Variants in PRDM2 observed in about 807,000 individuals in gnomAD.
PRDM2 encodes the protein PR domain zinc finger protein 2.
Under a neutral mutation model 130.0 loss-of-function variants are expected in PRDM2, and 30 were observed. That is an observed-to-expected ratio of 0.23 (90% CI 0.17 to 0.31). The LOEUF (loss-of-function observed/expected upper bound fraction) is 0.31, where lower values mean the gene tolerates loss of function less well. Ranked by LOEUF, PRDM2 falls within the 10% of genes least tolerant of loss-of-function variation. The probability of loss-of-function intolerance (pLI) is 1.00; values close to 1 mark genes in which losing one functional copy is unlikely to be tolerated. For synonymous variants in PRDM2, 871 were observed against 782.4 expected (o/e 1.11, Z -1.89); for missense variants, 2,011 against 2,108.4 (o/e 0.95, Z 0.90).
intron 6 of PRDM2, chr1:13,770,339 T>TA (rs1204359128): frequency 2.0e-6 from 1 of 491,890 alleles, no homozygotes; most frequent in Non-Finnish European, 4.1e-6. Context: ...TTTAGACAGT[T>TA]ATGTGATTTC....
intron 1 of PRDM2, among the ~76,000 whole-genome samples, chr1:13,710,790 C>CA (rs1642344534): frequency 6.6e-6 from 1 of 152,048 alleles, no homozygotes; most frequent in South Asian, 2.1e-4. Context: ...TTTAGCACTT[C>CA]AAAAAAGAGC....
At chr1:13,776,441 A>G (rs1212614009) in intron 7 of PRDM2, among the ~76,000 whole-genome samples, 1 of 152,196 alleles carries the variant, frequency 6.6e-6, no homozygotes, top group African/African-American at 2.4e-5. Flanking sequence ...CATTCCTACT[A>G]GCACGAAACC....
At chr1:13,716,925 T>C (rs973006603) in intron 2 of PRDM2, among the ~76,000 whole-genome samples, 2 of 149,684 alleles carry the variant, frequency 1.3e-5, no homozygotes, top group African/African-American at 4.8e-5. Context: ...CCTCATCAAC[T>C]GAAACTTTAG....
intron 8 of PRDM2, among the ~76,000 whole-genome samples, chr1:13,808,578 T>C (rs550963991): frequency 3.0e-4 from 45 of 152,164 alleles, no homozygotes; most frequent in South Asian, 1.2e-3. Flanking sequence ...GAGGAGCATC[T>C]TGGGGAGCAT....
chr1:13,788,616 T>C (rs1644788775), intron 8 of PRDM2, among the ~76,000 whole-genome samples: 1 of 152,082 alleles, frequency 6.6e-6, no homozygotes, highest in Non-Finnish European at 1.5e-5. Context: ...GGCCAGATGT[T>C]CTGGCATACG....
intron 9 of PRDM2, among the ~76,000 whole-genome samples, chr1:13,818,040 G>A (rs1645285358): frequency 6.6e-6 from 1 of 152,196 alleles, no homozygotes; most frequent in African/African-American, 2.4e-5. Flanking sequence ...GTTGAATACG[G>A]GGTTAATGGG....
At chr1:13,797,382 C>CA (rs1054830608) in intron 8 of PRDM2, among the ~76,000 whole-genome samples, 3 of 152,156 alleles carry the variant, frequency 2.0e-5, no homozygotes, top group Non-Finnish European at 4.4e-5. Flanking sequence ...ACGTAGGAGC[C>CA]AACTGTTTGA....
intron 8 of PRDM2, among the ~76,000 whole-genome samples, chr1:13,814,626 G>A (rs544591415): frequency 2.0e-5 from 3 of 152,322 alleles, no homozygotes; most frequent in South Asian, 4.1e-4. Context: ...CCTTCCAGAT[G>A]CCGGTAGCAG....
intron 2 of PRDM2, among the ~76,000 whole-genome samples, chr1:13,728,890 G>T (rs1643011670): frequency 6.6e-6 from 1 of 152,076 alleles, no homozygotes; most frequent in Admixed American, 6.5e-5. Flanking sequence ...TTGTGGGAGT[G>T]ACCATTCCTG....
At chr1:13,744,286 C>G in intron 5 of PRDM2, among the ~76,000 whole-genome samples, 1 of 152,250 alleles carries the variant, frequency 6.6e-6, no homozygotes, top group East Asian at 1.9e-4. Context: ...TAGGTGTGAC[C>G]TTATTAGCTT....
chr1:13,773,899 G>T (rs775364298), intron 7 of PRDM2, among the ~76,000 whole-genome samples: 3 of 152,024 alleles, frequency 2.0e-5, no homozygotes, highest in Non-Finnish European at 4.4e-5. Flanking sequence ...ATTTTATCTT[G>T]CTATATACTC....
Position 13,731,028 on chromosome 1 carries a change from A to G in PRDM2, c.38A>G (p.Glu13Gly). The change falls in exon 3 of 10, where the codon GAG (glutamate) becomes GGG (glycine). Residue 13 changes from glutamate (E) to glycine (G), a missense_variant. By Grantham distance (98) the Glu-to-Gly change is moderately conservative (BLOSUM62 -2). This residue lies in a region of PRDM2 where 79 missense variants were observed against 93.6 expected (regional missense o/e 0.84). Coordinates refer to ENST00000311066, the MANE Select transcript of PRDM2 (RefSeq NM_001393986.1). ...QNTTEPVAATETLAEVPEHVL... is the reference protein window; with the variant it reads ...QNTTEPVAATGTLAEVPEHVL... ...ACTACTGAGCCTGTGGCGGCCACCG[A>G]GACCCTGGCTGAGGTACCCGAACAT... The G allele has an allele frequency of 6.2e-7, 1 of 1,611,170 alleles. No homozygotes were observed. Among genetic ancestry groups the G allele is most frequent in the Non-Finnish European group, 8.5e-7 (1 of 1,179,544 alleles).
intron 6 of PRDM2, among the ~76,000 whole-genome samples, chr1:13,755,697 T>C (rs2100562270): frequency 6.6e-6 from 1 of 152,278 alleles, no homozygotes; most frequent in East Asian, 1.9e-4. Context: ...CAATTTCATG[T>C]TCCAGTTTAC....
At chr1:13,808,104 G>A (rs1477414245) in intron 8 of PRDM2, among the ~76,000 whole-genome samples, 1 of 152,140 alleles carries the variant, frequency 6.6e-6, no homozygotes, top group Non-Finnish European at 1.5e-5. Context: ...CACACAGCAG[G>A]TTCCTCCCAA....
intron 8 of PRDM2, among the ~76,000 whole-genome samples, chr1:13,807,941 C>T (rs1034649279): frequency 5.3e-5 from 8 of 152,116 alleles, no homozygotes; most frequent in African/African-American, 1.9e-4. Context: ...CTTCCCCGTC[C>T]ATACAGATTG....
chr1:13,770,399 A>G (rs1644332229), intron 6 of PRDM2: 11 of 436,380 alleles, frequency 2.5e-5, no homozygotes, highest in South Asian at 1.8e-4. Flanking sequence ...TTTTGTTAAG[A>G]TATAAATCTA....
At chr1:13,774,684 T>C (rs560762292) in intron 7 of PRDM2, among the ~76,000 whole-genome samples, 49 of 152,220 alleles carry the variant, frequency 3.2e-4, no homozygotes, top group African/African-American at 1.1e-3. Flanking sequence ...CCATGAAAAA[T>C]GACACTTGCT....
chr1:13,800,032 A>C (rs1304822542), intron 8 of PRDM2, among the ~76,000 whole-genome samples: 1 of 152,220 alleles, frequency 6.6e-6, no homozygotes, highest in Non-Finnish European at 1.5e-5. Context: ...TGTGGGTGTG[A>C]TTTAGTCCAG....
chr1:13,731,384 T>C (rs560195989), intron 3 of PRDM2, among the ~76,000 whole-genome samples: 19 of 152,216 alleles, frequency 1.2e-4, no homozygotes, highest in African/African-American at 4.6e-4. Flanking sequence ...CTGAGTGTCC[T>C]CCTCCTCTGA....
Sources: allele counts gnomAD v4.1 joint callset (sites outside exome capture counted in the v4.1 genomes callset), GRCh38; gene constraint gnomAD v4.1.1; regional missense constraint gnomAD v4.1.1; transcripts MANE v1.5; gene names NCBI Gene and HGNC (gene_info 2026-07-23, HGNC 2026-07-21).